CLMN: variants seen among roughly 807,000 people sequenced by gnomAD.
The protein encoded by CLMN is calmin (calponin-like, transmembrane).
Under a neutral mutation model 92.7 loss-of-function variants are expected in CLMN, and 57 were observed. The observed-to-expected ratio is 0.61, with a 90% CI of 0.50 to 0.77. CLMN has a LOEUF of 0.77. CLMN is among the 30% of genes least tolerant of loss of function. The pLI, the probability that CLMN is intolerant of heterozygous loss-of-function variation, is 0.00. For missense variants in CLMN, 1,158 were observed against 1,237.5 expected (o/e 0.94, Z 0.96); for synonymous variants, 466 against 470.6 (o/e 0.99, Z 0.13).
chr14:95,196,783 C>G, intron 9 of CLMN, 89 bp from the exon 10 acceptor site: 3 of 1,271,416 alleles, frequency 2.4e-6, no homozygotes, highest in Non-Finnish European at 3.3e-6. Context: ...TGCCCAGGCC[C>G]AGCCAGGGCG....
At chr14:95,202,688 C>T in intron 9 of CLMN, 150 bp downstream of exon 9, 3 of 805,650 alleles carry the variant, frequency 3.7e-6, no homozygotes, top group Non-Finnish European at 5.5e-6. Flanking sequence ...CCGAGCCTCA[C>T]AGTAGGTGCC....
At position 95,228,485 on chromosome 14, in the gene CLMN, T is replaced by TTCTACAC. The variant is rs1198099339; in HGVS notation, c.144+1586_144+1587insGTGTAGA. ...GTTCTACACGTCAGGAGTGGAGGTGTGGGTGGCCGAATGCCTGCTCGGGCA... is the reference window on the plus strand; with the variant it reads ...GTTCTACACGTCAGGAGTGGAGGTGTTCTACACGGGTGGCCGAATGCCTGCTCGGGCA... On this transcript the variant is annotated intron_variant, in intron 2 of 12. Transcript: ENST00000298912. Among the ~76,000 whole-genome samples the TTCTACAC allele has an allele frequency of 5.9e-5, 9 of 152,304 alleles. No homozygotes were observed. The East Asian group carries it at 1.7e-3, about 29-fold the overall frequency.
chr14:95,232,781 C>G (rs1897930707), intron 1 of CLMN, among the ~76,000 whole-genome samples: 1 of 152,142 alleles, frequency 6.6e-6, no homozygotes, highest in South Asian at 2.1e-4. Flanking sequence ...GGAGATCCTT[C>G]CACTTTGCAA....
rs372610018 is a variant in CLMN, at chr14:95,203,529, T to A, written c.1820A>T (p.Lys607Ile). The A allele has an allele frequency of 2.1e-5, 34 of 1,614,084 alleles. No individual in the cohort carries two copies. The highest frequency in any genetic ancestry group is 4.0e-5 in the African/African-American group (3 of 74,928). The change falls in exon 9 of 13, where the codon AAA (lysine) becomes ATA (isoleucine). Residue 607 changes from lysine (K) to isoleucine (I), a missense_variant. Coordinates refer to ENST00000298912, the MANE Select transcript of CLMN (RefSeq NM_024734.4). ...AFENHAEKLG[K>I]RSIKSAHKKK... is the part of the protein sequence containing the mutation. ...TTTGTGAGCAGATTTAATACTCCTT[T>A]TACCTAGTTTTTCAGCATGATTCTC...
chr14:95,253,609 G>GT (rs796784147), intron 1 of CLMN, among the ~76,000 whole-genome samples: 59 of 112,546 alleles, frequency 5.2e-4, no homozygotes, highest in Middle Eastern at 4.3e-3. Flanking sequence ...GTGTTTTTTT[G>GT]TTTTTTTGTT....
Position 95,194,156 on chromosome 14 carries a change from G to A in CLMN, c.2770-237C>T. ...CCCACCACCCGGAACCCGGATTGGG[G>A]TGTGCTGCTCCGGGTTCTAACACAT... On this transcript the variant is annotated intron_variant, in intron 11 of 12. Transcript: ENST00000298912. This position sits in a 1 kb window ranked among gnomAD's most constrained non-coding sequence, Gnocchi z 4.0. The A allele has an allele frequency of 7.1e-7, 1 of 1,411,342 alleles. No individual in the cohort carries two copies. The highest frequency in any genetic ancestry group is 9.2e-7 in the Non-Finnish European group (1 of 1,089,028). The allele number at this position is 1,411,342 out of a possible 1,614,324, so 87.4% of individuals were successfully genotyped here.
chr14:95,280,637 A>G (rs1900110717), intron 1 of CLMN, among the ~76,000 whole-genome samples: 2 of 152,172 alleles, frequency 1.3e-5, no homozygotes, highest in Non-Finnish European at 2.9e-5. Context: ...GACCTGATTA[A>G]TCCTTTTAGA....
intron 1 of CLMN, among the ~76,000 whole-genome samples, chr14:95,302,224 C>T (rs1407368686): frequency 6.6e-6 from 1 of 151,978 alleles, no homozygotes; most frequent in African/African-American, 2.4e-5. Context: ...CGCTTGAACC[C>T]GGGAGGCAGA....
chr14:95,245,692 GTGGATGGA>G (rs1190138572), intron 1 of CLMN, among the ~76,000 whole-genome samples: 3 of 71,034 alleles, frequency 4.2e-5, no homozygotes, highest in Admixed American at 1.5e-4. Context: ...GGGTGGGTGG[GTGGATGGA>G]TGGATGGATG....
intron 1 of CLMN, among the ~76,000 whole-genome samples, chr14:95,303,268 T>C (rs1246422462): frequency 6.6e-6 from 1 of 152,196 alleles, no homozygotes; most frequent in East Asian, 1.9e-4. Flanking sequence ...AAATAACTCA[T>C]TCCCTCAGCG....
chr14:95,280,429 G>T (rs1457194884), intron 1 of CLMN, among the ~76,000 whole-genome samples: 4 of 152,194 alleles, frequency 2.6e-5, no homozygotes, highest in Non-Finnish European at 5.9e-5. Flanking sequence ...ACAGGAAAAA[G>T]AAGGGAAATA....
chr14:95,246,159 G>C (rs905678160), intron 1 of CLMN, among the ~76,000 whole-genome samples: 3 of 152,052 alleles, frequency 2.0e-5, no homozygotes, highest in African/African-American at 7.2e-5. Flanking sequence ...TATGAAAACC[G>C]AACAATCCAG....
In CLMN at chr14:95,305,831, T is replaced by A. The variant is rs576123160; in HGVS notation, c.82+13880A>T. The stretch of plus-strand genomic sequence containing the variant: ...CAGGATGCAAACAGAGGATTAGAGA[T>A]GACTTCACCCTTCTCTGTAGCTACC... On this transcript the variant is annotated intron_variant, in intron 1 of 12. Transcript: ENST00000298912. Among the ~76,000 whole-genome samples the A allele has an allele frequency of 1.5e-4, 23 of 152,308 alleles. No homozygotes were observed. In the South Asian group the frequency reaches 2.3e-3, roughly 15 times the overall value.
intron 3 of CLMN, among the ~76,000 whole-genome samples, chr14:95,223,233 A>T (rs1053022338): frequency 3.9e-5 from 6 of 152,038 alleles, no homozygotes; most frequent in Admixed American, 6.5e-5. Flanking sequence ...AGGCTGAGAA[A>T]CTCTGCTGTC....
At chr14:95,289,175 G>A (rs1203140298) in intron 1 of CLMN, among the ~76,000 whole-genome samples, 1 of 152,128 alleles carries the variant, frequency 6.6e-6, no homozygotes, top group Non-Finnish European at 1.5e-5. Flanking sequence ...ACACTTTACT[G>A]TTATATGACA....
In CLMN at chr14:95,203,291, T is replaced by A. The variant is rs1396091326; in HGVS notation, c.2058A>T (p.Leu686Phe). 1 of 1,614,078 alleles carries A rather than the reference T, an allele frequency of 6.2e-7. No homozygotes were observed. Among genetic ancestry groups the A allele is most frequent in the East Asian group, 2.2e-5 (1 of 44,856 alleles). ...CACAGCTGCTTGGGGGGCTGGAAGA[T>A]AATTCCTCGCCCACACCCTGGAGGT... The part of the protein sequence containing the change: ...DDDLQGVGEE[L>F]SSSPPSSCVS... Residue 686 changes from leucine to phenylalanine, a missense_variant, in exon 9 of 13, where the codon TTA becomes TTT. Physicochemically the swap from Leu to Phe is conservative, Grantham distance 22. Transcript: ENST00000298912.
intron 1 of CLMN, among the ~76,000 whole-genome samples, chr14:95,299,084 G>C (rs1415669265): frequency 6.6e-6 from 1 of 152,120 alleles, no homozygotes; most frequent in African/African-American, 2.4e-5. Flanking sequence ...TGACATTAGG[G>C]AAGCCTCAGT....
intron 5 of CLMN, among the ~76,000 whole-genome samples, chr14:95,215,195 G>T (rs867245574): frequency 1.3e-5 from 2 of 152,178 alleles, no homozygotes; most frequent in African/African-American, 2.4e-5. Flanking sequence ...TCCAGTTAGA[G>T]GCTGAAGTTG....
intron 1 of CLMN, among the ~76,000 whole-genome samples, chr14:95,263,381 G>A (rs1025243714): frequency 5.3e-5 from 8 of 152,278 alleles, no homozygotes; most frequent in South Asian, 4.2e-4. Context: ...CCCATGGCAC[G>A]TGGGGATTAT....
Sources: allele counts gnomAD v4.1 joint callset (sites outside exome capture counted in the v4.1 genomes callset), GRCh38; gene constraint gnomAD v4.1.1; non-coding constraint Gnocchi (gnomAD v3.1); transcripts MANE v1.5; gene names NCBI Gene and HGNC (gene_info 2026-07-23, HGNC 2026-07-21).